Variants in CRACR2A observed in about 807,000 individuals in gnomAD.
The protein encoded by CRACR2A is EF-hand calcium-binding domain-containing protein 4B.
Under a neutral mutation model 90.5 loss-of-function variants are expected in CRACR2A, and 79 were observed. That is an observed-to-expected ratio of 0.87 (90% confidence interval 0.73 to 1.05). The LOEUF (loss-of-function observed/expected upper bound fraction) is 1.05, where lower values mean the gene tolerates loss of function less well. Among genes scored for constraint, CRACR2A ranks in the 50% least tolerant of loss-of-function variants. The pLI, the probability that CRACR2A is intolerant of heterozygous loss-of-function variation, is 0.00. For synonymous variants in CRACR2A, 338 were observed against 356.7 expected, an observed-to-expected ratio of 0.95 and a Z score of 0.59; for missense variants, 823 against 897.2, an observed-to-expected ratio of 0.92 and a Z score of 1.06.
chr12:3,636,774 C>T (rs1042465523), intron 14 of CRACR2A, among the ~76,000 whole-genome samples: 6 of 152,252 alleles, frequency 3.9e-5, no homozygotes, highest in Non-Finnish European at 8.8e-5. Flanking sequence ...GCTCTCCACT[C>T]TCCCCTGCAC....
At chr12:3,751,357 C>A (rs1000883941) in intron 1 of CRACR2A, among the ~76,000 whole-genome samples, 1 of 152,208 alleles carries the variant, frequency 6.6e-6, no homozygotes, top group Non-Finnish European at 1.5e-5. Context: ...TTCCCAGGTT[C>A]TCTTCCCACA....
rs1006431163 is a variant in CRACR2A, at chr12:3,638,198, G to C, written c.1528C>G (p.Pro510Ala). Reference protein sequence around the residue: ...VSDQGVQGQIPEAPPLKLTPT... With the variant: ...VSDQGVQGQIAEAPPLKLTPT... Reference sequence around the variant, plus strand: ...GTGAGTTTCAAGGGTGGGGCCTCCGGGATTTGTCCCTGTACCCCCTGGTCA... The same window carrying C: ...GTGAGTTTCAAGGGTGGGGCCTCCGCGATTTGTCCCTGTACCCCCTGGTCA... Residue 510 changes from proline to alanine, a missense_variant, in exon 14 of 20, where the codon CCG (proline) becomes GCG (alanine). Coordinates refer to ENST00000440314, the MANE Select transcript of CRACR2A (RefSeq NM_001144958.2). The C allele has an allele frequency of 5.2e-6, 8 of 1,551,386 alleles. No individual in the cohort carries two copies. The East Asian group carries it at 1.7e-4, about 33-fold the overall frequency.
In CRACR2A at chr12:3,627,526, G is replaced by T; in HGVS notation, c.1842C>A (p.Phe614Leu). 6.4e-7 allele frequency: 1 copy of T among 1,551,658 alleles called. No individual in the cohort carries two copies. The highest frequency in any genetic ancestry group is 1.2e-5 in the South Asian group (1 of 84,062). ...QERYRCITQQ[F>L]FRKADGVIVM... ...CGATGACACCATCTGCCTTTCTGAA[G>T]AACTGCTGGGTGATGCACCGGTACC... Residue 614 changes from phenylalanine (F) to leucine (L), a missense_variant, in exon 17 of 20, where the codon TTC (phenylalanine) becomes TTA (leucine). By Grantham distance (22) the Phe-to-Leu change is conservative. Transcript: ENST00000440314.
intron 2 of CRACR2A, among the ~76,000 whole-genome samples, chr12:3,717,305 T>C (rs1946096721): frequency 1.3e-5 from 2 of 152,140 alleles, no homozygotes; most frequent in South Asian, 4.1e-4. Context: ...TAAGTGTCTC[T>C]CTAACAATGC....
At chr12:3,678,686 A>G (rs1565486277) in intron 6 of CRACR2A, among the ~76,000 whole-genome samples, 1 of 152,044 alleles carries the variant, frequency 6.6e-6, no homozygotes, top group Non-Finnish European at 1.5e-5. Flanking sequence ...GAGAATAGGA[A>G]TGATTCCTAA....
intron 15 of CRACR2A, among the ~76,000 whole-genome samples, chr12:3,628,437 C>T (rs1038812330): frequency 6.6e-6 from 1 of 152,070 alleles, no homozygotes; most frequent in African/African-American, 2.4e-5. Context: ...GAAAAAATCA[C>T]AGGCAACTTT....
intron 11 of CRACR2A, among the ~76,000 whole-genome samples, chr12:3,646,569 G>A (rs1944691005): frequency 6.6e-6 from 1 of 152,312 alleles, no homozygotes; most frequent in Non-Finnish European, 1.5e-5. Flanking sequence ...TCAGTTACCT[G>A]CATGAGGTGA....
intron 13 of CRACR2A, 80 bp downstream of exon 13, chr12:3,641,652 C>G (rs1250838694): frequency 1.6e-6 from 2 of 1,284,368 alleles, no homozygotes; most frequent in African/African-American, 2.9e-5. Flanking sequence ...AAGGGGTCAG[C>G]AGGCACTGAG....
chr12:3,648,510 C>T, intron 11 of CRACR2A, 32 bp downstream of exon 11: 6 of 1,614,074 alleles, frequency 3.7e-6, no homozygotes, highest in Non-Finnish European at 5.1e-6. Flanking sequence ...CTGGGAGGTG[C>T]TCTCAGCACA....
chr12:3,643,856 T>TATATATAAATATATATAATATATACTA (rs1478137267), intron 12 of CRACR2A, among the ~76,000 whole-genome samples: 2 of 67,354 alleles, frequency 3.0e-5, no homozygotes, highest in East Asian at 9.6e-4. Flanking sequence ...TATTATATAT[T>TATATATAAATATATATAATATATACTA]TATATTATAT....
intron 6 of CRACR2A, among the ~76,000 whole-genome samples, chr12:3,675,714 T>C (rs1945323515): frequency 6.6e-6 from 1 of 152,120 alleles, no homozygotes; most frequent in South Asian, 2.1e-4. Context: ...CACTAATAAA[T>C]CACTTTAAGA....
At chr12:3,656,748 A>G (rs550976874) in intron 8 of CRACR2A, among the ~76,000 whole-genome samples, 22 of 152,296 alleles carry the variant, frequency 1.4e-4, no homozygotes, top group African/African-American at 4.8e-4. Context: ...GAGTTCAAAC[A>G]TCAGGCCTTG....
chr12:3,643,804 A>AT, intron 12 of CRACR2A, among the ~76,000 whole-genome samples: 1 of 109,140 alleles, frequency 9.2e-6, no homozygotes, highest in African/African-American at 3.8e-5. Context: ...TATAATATAT[A>AT]TTATATATAT....
Position 3,659,500 on chromosome 12 carries a change from T to TG in CRACR2A, c.762+63dup, listed in dbSNP as rs1045385761. The TG allele has an allele frequency of 1.2e-4, 180 of 1,473,356 alleles. 1 individual carries two copies. The African/African-American group carries it at 2.1e-3, about 18-fold the overall frequency. 91.3% of individuals were successfully genotyped at this position (1,473,356 alleles called of 1,614,324 possible). ...GATGGGGGCACCAAAATCTTAAACC[T>TG]GGGGGAGACAGAGCAGATATGTCAA... On this transcript the variant is annotated intron_variant, in intron 8 of 19. Coordinates refer to ENST00000440314, the MANE Select transcript of CRACR2A (RefSeq NM_001144958.2).
chr12:3,641,982 G>A lies in CRACR2A; in HGVS notation c.1165-144C>T, dbSNP rs371440699. 421 of 679,394 alleles carry A rather than the reference G, an allele frequency of 6.2e-4. 1 individual carries two copies. The highest frequency in any genetic ancestry group is 1.2e-3 in the Admixed American group (43 of 37,210). The allele number at this position is 679,394 out of a possible 1,614,324, so 42.1% of individuals were successfully genotyped here. A position where few individuals can be genotyped will look rare whatever the true frequency, so the allele number is the denominator to read the frequency against. ...GCAGTGTTCTGGTCTCCCTGTTAGCGTCTAGCCACTCTTCCCTTTTGCCAT... is the reference window on the plus strand; with the variant it reads ...GCAGTGTTCTGGTCTCCCTGTTAGCATCTAGCCACTCTTCCCTTTTGCCAT... On this transcript the variant is annotated intron_variant, in intron 12 of 19. Transcript: ENST00000440314.
chr12:3,621,233 G>A (rs1013908704), intron 17 of CRACR2A, among the ~76,000 whole-genome samples: 1 of 152,080 alleles, frequency 6.6e-6, no homozygotes, highest in Non-Finnish European at 1.5e-5. Flanking sequence ...TATTTGGAAT[G>A]GGCACTGGCT....
At chr12:3,725,125 G>A (rs538625244) in intron 2 of CRACR2A, among the ~76,000 whole-genome samples, 1 of 152,172 alleles carries the variant, frequency 6.6e-6, no homozygotes, top group Non-Finnish European at 1.5e-5. Flanking sequence ...CACTCACTTT[G>A]CTTCCATATG....
chr12:3,659,275 G>C (rs966308192), intron 8 of CRACR2A, among the ~76,000 whole-genome samples: 3 of 152,176 alleles, frequency 2.0e-5, no homozygotes, highest in African/African-American at 7.2e-5. Flanking sequence ...TGAGCACCTA[G>C]TATGTTCCAG....
chr12:3,687,148 C>T (rs1321225495), intron 4 of CRACR2A, among the ~76,000 whole-genome samples: 1 of 151,628 alleles, frequency 6.6e-6, no homozygotes, highest in Non-Finnish European at 1.5e-5. Context: ...AGAAGAAAAA[C>T]AGCCCTGGAG....
Sources: allele counts gnomAD v4.1 joint callset (sites outside exome capture counted in the v4.1 genomes callset), GRCh38; gene constraint gnomAD v4.1.1; transcripts MANE v1.5; gene names NCBI Gene and HGNC (gene_info 2026-07-23, HGNC 2026-07-21).